PCDHA4: variants seen among roughly 807,000 people sequenced by gnomAD.
PCDHA4 encodes the protein protocadherin alpha 4, also known as protocadherin alpha-4.
PCDHA4 carries 49 observed loss-of-function variants against 61.4 expected under a neutral mutation model. That is an observed-to-expected ratio of 0.80 (90% CI 0.63 to 1.01). PCDHA4 has a LOEUF of 1.01. Among genes scored for constraint, PCDHA4 ranks in the 50% least tolerant of loss-of-function variants. The pLI, the probability that PCDHA4 is intolerant of heterozygous loss-of-function variation, is 0.00. For missense variants in PCDHA4, 1,254 were observed against 1,235.8 expected, an observed-to-expected ratio of 1.01 and a Z score of -0.22; for synonymous variants, 590 against 550.3, an observed-to-expected ratio of 1.07 and a Z score of -1.01.
chr5:140,963,175 T>C (rs1408160891), intron 1 of PCDHA4, among the ~76,000 whole-genome samples: 1 of 152,046 alleles, frequency 6.6e-6, no homozygotes, highest in East Asian at 1.9e-4. Context: ...ATCTTACAGA[T>C]ATGCTGTAGA....
chr5:140,863,124 C>T (rs1554157805), intron 1 of PCDHA4: 1 of 594,982 alleles, frequency 1.7e-6, no homozygotes, highest in Non-Finnish European at 3.3e-6. Flanking sequence ...AAGCTACGCG[C>T]CACCGCCTGC....
chr5:140,972,854 G>A (rs895738831), intron 1 of PCDHA4, among the ~76,000 whole-genome samples: 4 of 151,946 alleles, frequency 2.6e-5, no homozygotes, highest in Non-Finnish European at 4.4e-5. Flanking sequence ...AGTAGAGATG[G>A]GGTTTCATCA....
At chr5:140,974,083 T>C (rs1345131685) in intron 1 of PCDHA4, among the ~76,000 whole-genome samples, 1 of 152,236 alleles carries the variant, frequency 6.6e-6, no homozygotes, top group Non-Finnish European at 1.5e-5. Flanking sequence ...AACCATGACT[T>C]CAAAAATCAA....
intron 3 of PCDHA4, among the ~76,000 whole-genome samples, chr5:140,991,912 A>G (rs1022060256): frequency 1.3e-5 from 2 of 152,150 alleles, no homozygotes; most frequent in Non-Finnish European, 2.9e-5. Context: ...CCCTTTTGCC[A>G]TGTAACATAA....
intron 1 of PCDHA4, among the ~76,000 whole-genome samples, chr5:140,846,373 C>CTTTTTTTTTTTTTTTTTTTTTTTTTTTT (rs374699051): frequency 3.6e-5 from 2 of 55,152 alleles, no homozygotes; most frequent in Non-Finnish European, 8.2e-5. Flanking sequence ...TTCTTTCTTT[C>CTTTTTTTTTTTTTTTTTTTTTTTTTTTT]TTTTTTTTTT....
chr5:140,951,833 A>G (rs2094641584), intron 1 of PCDHA4, among the ~76,000 whole-genome samples: 1 of 152,190 alleles, frequency 6.6e-6, no homozygotes, highest in Admixed American at 6.5e-5. Flanking sequence ...TCATTCCAGC[A>G]TTAAGCCAAA....
At chr5:140,915,259 T>A (rs1344301014) in intron 1 of PCDHA4, among the ~76,000 whole-genome samples, 2 of 152,182 alleles carry the variant, frequency 1.3e-5, no homozygotes, top group African/African-American at 2.4e-5. Flanking sequence ...GTTGTTATTA[T>A]TTTTGACCAG....
At chr5:140,866,644 T>A (rs531566613) in intron 1 of PCDHA4, 14 of 152,184 alleles carry the variant, frequency 9.2e-5, no homozygotes, top group Non-Finnish European at 1.6e-4. Context: ...GTGTCAAAAT[T>A]TATTTATGTG....
At position 140,928,212 on chromosome 5, in the gene PCDHA4, C is replaced by G. The variant is rs1388758279; in HGVS notation, c.2386-50737C>G. The G allele has an allele frequency of 2.5e-6, 4 of 1,614,106 alleles. No individual in the cohort carries two copies. The African/African-American group carries it at 5.3e-5, about 22-fold the overall frequency. On this transcript the variant is annotated intron_variant, in intron 1 of 3. Coordinates refer to ENST00000530339, the MANE Select transcript of PCDHA4 (RefSeq NM_018907.4). Reference sequence around the variant, plus strand: ...CTGTGTCAGTTGCTGATGTGAATGACAATACACCAAACTTTCCTCAACCCC... The same window carrying G: ...CTGTGTCAGTTGCTGATGTGAATGAGAATACACCAAACTTTCCTCAACCCC...
chr5:140,950,981 TG>T (rs1443074941), intron 1 of PCDHA4, among the ~76,000 whole-genome samples: 1 of 152,138 alleles, frequency 6.6e-6, no homozygotes, highest in East Asian at 1.9e-4. Context: ...CATTGACTTT[TG>T]CCTCTTTTAG....
At chr5:140,950,219 C>G (rs1173605199) in intron 1 of PCDHA4, among the ~76,000 whole-genome samples, 4 of 151,898 alleles carry the variant, frequency 2.6e-5, no homozygotes, top group African/African-American at 9.7e-5. Flanking sequence ...TAGTCATTTA[C>G]CATTTCTAGT....
chr5:140,822,689 G>A (rs2150118591), intron 1 of PCDHA4: 13 of 1,609,572 alleles, frequency 8.1e-6, no homozygotes. Flanking sequence ...AAAGTTAACG[G>A]GGAACTGGAT....
intron 1 of PCDHA4, chr5:140,848,937 C>G: frequency 1.2e-6 from 2 of 1,607,518 alleles, no homozygotes; most frequent in Non-Finnish European, 1.7e-6. Context: ...ATCCAGGCCG[C>G]TTGACTCTCG....
chr5:140,926,745 C>T (rs1344644551), intron 1 of PCDHA4: 3 of 1,219,360 alleles, frequency 2.5e-6, no homozygotes, highest in Non-Finnish European at 3.2e-6. Flanking sequence ...GGCGCAACGT[C>T]GGCGGTCGCT....
chr5:140,961,738 G>A (rs976601916), intron 1 of PCDHA4, among the ~76,000 whole-genome samples: 2 of 152,118 alleles, frequency 1.3e-5, no homozygotes, highest in African/African-American at 4.8e-5. Flanking sequence ...AATCACTTTA[G>A]TAATATTACA....
intron 1 of PCDHA4, chr5:140,814,709 G>C (rs1765568789): frequency 6.6e-6 from 1 of 152,108 alleles, no homozygotes; most frequent in Non-Finnish European, 1.5e-5. Flanking sequence ...ATCATCACTA[G>C]GTGATAGGAA....
intron 1 of PCDHA4, among the ~76,000 whole-genome samples, chr5:140,956,002 C>T (rs2095246908): frequency 6.6e-6 from 1 of 152,124 alleles, no homozygotes; most frequent in Admixed American, 6.5e-5. Context: ...GATTTTGTAT[C>T]CTGAGACTTT....
chr5:140,835,898 G>T lies in PCDHA4; in HGVS notation c.2385+26326G>T, dbSNP rs2150247809. 5 of 1,612,080 alleles carry T rather than the reference G, an allele frequency of 3.1e-6. No homozygotes were observed. The Admixed American group carries it at 8.3e-5, about 27-fold the overall frequency. ...TGCGGGTGGGCGAGCGCGCGCTGTCGAGCTACGTGTCAGTGCACGCGGAGA... is the reference window on the plus strand; with the variant it reads ...TGCGGGTGGGCGAGCGCGCGCTGTCTAGCTACGTGTCAGTGCACGCGGAGA... On this transcript the variant is annotated intron_variant, in intron 1 of 3. Transcript: ENST00000530339.
chr5:140,978,820 T>C (rs2096824926), intron 1 of PCDHA4, 129 bp from the exon 2 acceptor site: 1 of 1,517,496 alleles, frequency 6.6e-7, no homozygotes, highest in East Asian at 2.4e-5. Context: ...GAGTTACACA[T>C]GAAATGGCTC....
Sources: allele counts gnomAD v4.1 joint callset (sites outside exome capture counted in the v4.1 genomes callset), GRCh38; gene constraint gnomAD v4.1.1; transcripts MANE v1.5; gene names NCBI Gene and HGNC (gene_info 2026-07-23, HGNC 2026-07-21).